PTPRO: variants seen among roughly 807,000 people sequenced by gnomAD.
The protein encoded by PTPRO is receptor-type tyrosine-protein phosphatase O.
In PTPRO, 62 loss-of-function variants were observed where a neutral mutation model predicts 145.2. The observed-to-expected ratio is 0.43, with a 90% CI of 0.35 to 0.53. The LOEUF is 0.53. Among genes scored for constraint, PTPRO ranks in the 20% least tolerant of loss-of-function variants. The probability of loss-of-function intolerance (pLI) is 0.01; values close to 1 mark genes in which losing one functional copy is unlikely to be tolerated. For missense variants in PTPRO, 1,345 were observed against 1,482.7 expected, an observed-to-expected ratio of 0.91 and a Z score of 1.53; for synonymous variants, 565 against 514.7, an observed-to-expected ratio of 1.10 and a Z score of -1.32.
At position 15,322,721 on chromosome 12, in the gene PTPRO, G is replaced by A; in HGVS notation, c.-6G>A. On this transcript the variant is annotated 5_prime_UTR_variant, in exon 1 of 27. Transcript: ENST00000281171. This position sits in a 1 kb window ranked among gnomAD's most constrained non-coding sequence, Gnocchi z 6.3. ...GCCGTGCCCCCGAGTCCCCGTCCGC[G>A]CAGCGATGGGGCACCTGCCCACGGG... The A allele has an allele frequency of 1.2e-6, 2 of 1,610,666 alleles. No individual in the cohort carries two copies. Among genetic ancestry groups the A allele is most frequent in the South Asian group, 1.1e-5 (1 of 90,578 alleles).
intron 1 of PTPRO, among the ~76,000 whole-genome samples, chr12:15,475,286 C>G (rs921940388): frequency 1.3e-5 from 2 of 152,184 alleles, no homozygotes; most frequent in Admixed American, 6.5e-5. Context: ...AGTGAATCAT[C>G]TGCTATAATC....
At chr12:15,564,001 A>C (rs569183321) in intron 17 of PTPRO, among the ~76,000 whole-genome samples, 2 of 152,262 alleles carry the variant, frequency 1.3e-5, no homozygotes, top group South Asian at 4.1e-4. Flanking sequence ...AAAAAACATG[A>C]TCAATAAATA....
chr12:15,452,241 T>C (rs192881046), intron 1 of PTPRO, among the ~76,000 whole-genome samples: 143 of 152,242 alleles, frequency 9.4e-4, no homozygotes, highest in African/African-American at 3.3e-3. Flanking sequence ...TTAGAAAACC[T>C]GGAGGAGATG....
chr12:15,497,350 G>C lies in PTPRO; in HGVS notation c.455G>C (p.Arg152Thr). Residue 152 changes from arginine to threonine, a missense_variant, in exon 3 of 27, where the codon AGA becomes ACA. Around this residue, in one of 3 missense-constraint regions of PTPRO, gnomAD observed 1,130 missense variants for 1,214.7 expected, o/e 0.93. Transcript: ENST00000281171. ...CCAGAAAAATATAACGTTTTCACAAGAGTGAACATTAGCTACTGGGAAGGT... is the reference window on the plus strand; with the variant it reads ...CCAGAAAAATATAACGTTTTCACAACAGTGAACATTAGCTACTGGGAAGGT... ...HYPEKYNVFT[R>T]VNISYWEGKD... 2 of 1,612,874 alleles carry C rather than the reference G, an allele frequency of 1.2e-6. No homozygotes were observed. Among genetic ancestry groups the C allele is most frequent in the African/African-American group, 1.3e-5 (1 of 75,010 alleles).
chr12:15,382,226 A>G (rs946647849), intron 1 of PTPRO, among the ~76,000 whole-genome samples: 6 of 151,670 alleles, frequency 4.0e-5, no homozygotes, highest in Non-Finnish European at 7.4e-5. Flanking sequence ...CTTGGTACCA[A>G]GCAAACTGCA....
intron 1 of PTPRO, among the ~76,000 whole-genome samples, chr12:15,430,376 C>T (rs894086308): frequency 1.3e-5 from 2 of 152,028 alleles, no homozygotes; most frequent in Non-Finnish European, 2.9e-5. Context: ...GATTCTAAAG[C>T]ACTAAACAGG....
At position 15,322,720 on chromosome 12, in the gene PTPRO, C is replaced by T. The variant is rs777347588; in HGVS notation, c.-7C>T. 17 of 1,610,436 alleles carry T rather than the reference C, an allele frequency of 1.1e-5. No homozygotes were observed. The highest frequency in any genetic ancestry group is 8.4e-5 in the Admixed American group (5 of 59,860). On this transcript the variant is annotated 5_prime_UTR_variant, in exon 1 of 27. Transcript: ENST00000281171. The surrounding 1 kb of genome is among the most constrained non-coding windows in gnomAD (Gnocchi z 6.3). ...AGCCGTGCCCCCGAGTCCCCGTCCG[C>T]GCAGCGATGGGGCACCTGCCCACGG...
intron 26 of PTPRO, chr12:15,595,580 A>G (rs2135684445): frequency 6.1e-6 from 1 of 163,780 alleles, no homozygotes; most frequent in African/African-American, 2.4e-5. Context: ...TCATGAAGAC[A>G]CTTGTAACAT....
chr12:15,357,055 G>A (rs1281416821), intron 1 of PTPRO, among the ~76,000 whole-genome samples: 1 of 152,192 alleles, frequency 6.6e-6, no homozygotes, highest in East Asian at 1.9e-4. Context: ...TGCATGTGGT[G>A]TGAACACTGG....
Position 15,504,086 on chromosome 12 carries a change from T to G in PTPRO, c.1267+17T>G, listed in dbSNP as rs760891903. The G allele has an allele frequency of 1.2e-6, 2 of 1,600,798 alleles. No individual in the cohort carries two copies. Among genetic ancestry groups the G allele is most frequent in the Non-Finnish European group, 1.7e-6 (2 of 1,168,356 alleles). ...TTTATATCAGTAAGTAACAAAGAGA[T>G]CATTTTACACTTACTGGGGAGCTAG... On this transcript the variant is annotated intron_variant, in intron 6 of 26. Transcript: ENST00000281171.
chr12:15,368,371 C>G (rs980687349), intron 1 of PTPRO, among the ~76,000 whole-genome samples: 3 of 152,322 alleles, frequency 2.0e-5, no homozygotes, highest in African/African-American at 7.2e-5. Context: ...TAAACCATCT[C>G]CATATCACCT....
At chr12:15,514,854 C>T (rs1942543287) in intron 7 of PTPRO, among the ~76,000 whole-genome samples, 1 of 152,102 alleles carries the variant, frequency 6.6e-6, no homozygotes, top group South Asian at 2.1e-4. Flanking sequence ...CCTCTGCCTC[C>T]TGGGTTCAAG....
intron 2 of PTPRO, among the ~76,000 whole-genome samples, chr12:15,489,527 C>A (rs1941957540): frequency 6.6e-6 from 1 of 152,164 alleles, no homozygotes; most frequent in Non-Finnish European, 1.5e-5. Flanking sequence ...CCTGACATTG[C>A]CATGGCATTT....
intron 1 of PTPRO, among the ~76,000 whole-genome samples, chr12:15,421,221 A>G (rs1356046294): frequency 6.6e-6 from 1 of 152,198 alleles, no homozygotes; most frequent in East Asian, 1.9e-4. Context: ...AAATACGTCT[A>G]AATAGGATAT....
At chr12:15,376,164 T>A (rs1356697466) in intron 1 of PTPRO, among the ~76,000 whole-genome samples, 1 of 151,922 alleles carries the variant, frequency 6.6e-6, no homozygotes, top group East Asian at 1.9e-4. Flanking sequence ...CCACACCTAG[T>A]CAGACTGTCA....
intron 1 of PTPRO, among the ~76,000 whole-genome samples, chr12:15,411,591 A>G (rs755066210): frequency 3.9e-5 from 6 of 152,224 alleles, no homozygotes; most frequent in Admixed American, 3.3e-4. Context: ...GAATGCTGTC[A>G]TACGTCTCAC....
intron 1 of PTPRO, among the ~76,000 whole-genome samples, chr12:15,434,545 G>C (rs77607106): frequency 0.029 from 4,413 of 152,222 alleles, 232 homozygotes; most frequent in African/African-American, 0.1. Flanking sequence ...TTTCACAGAT[G>C]ACATCAAAAG....
chr12:15,468,787 T>C (rs1396272659), intron 1 of PTPRO, among the ~76,000 whole-genome samples: 2 of 152,190 alleles, frequency 1.3e-5, no homozygotes, highest in African/African-American at 4.8e-5. Flanking sequence ...GAAGTAAACA[T>C]TGAGTCAAGC....
At chr12:15,555,067 C>A (rs1181902809) in intron 15 of PTPRO, among the ~76,000 whole-genome samples, 7 of 92,550 alleles carry the variant, frequency 7.6e-5, no homozygotes, top group African/African-American at 2.8e-4. Flanking sequence ...GAAACCCCGT[C>A]TCTACTAAAA....
Sources: gnomAD v4.1 joint callset for allele counts (sites outside exome capture counted in the v4.1 genomes callset) on GRCh38, gnomAD v4.1.1 for gene constraint, gnomAD v4.1.1 regional missense constraint, Gnocchi (gnomAD v3.1) non-coding constraint, MANE v1.5 for transcripts, NCBI Gene and HGNC (gene_info 2026-07-23, HGNC 2026-07-21) for gene names.